PTPRQ: variants seen among roughly 807,000 people sequenced by gnomAD.
PTPRQ encodes phosphatidylinositol phosphatase PTPRQ.
A neutral mutation model predicts 246.0 loss-of-function variants in PTPRQ; 199 were observed. That is an observed-to-expected ratio of 0.81 (90% CI 0.72 to 0.91). The LOEUF (loss-of-function observed/expected upper bound fraction) is 0.91. Among genes scored for constraint, PTPRQ ranks in the 40% least tolerant of loss-of-function variants. The pLI is 0.00. For synonymous variants in PTPRQ, 869 were observed against 853.2 expected (o/e 1.02, Z -0.32); for missense variants, 2,624 against 2,528.4 (o/e 1.04, Z -0.81).
At position 80,542,253 on chromosome 12, in the gene PTPRQ, A is replaced by G. The variant is rs1896177957; in HGVS notation, c.3610A>G (p.Ile1204Val). 4 of 1,550,850 alleles carry G rather than the reference A, an allele frequency of 2.6e-6. No homozygotes were observed. The highest frequency in any genetic ancestry group is 1.7e-4 in the Middle Eastern group (1 of 5,986). ...NYSFITSDNY[I>V]ILEELSPFTL... ...TTCTTTCATTACTTCTGATAATTAC[A>G]TAATATTGGAAGAGCTTTCACCATT... The change falls in exon 22 of 45, where the codon ATA (isoleucine) becomes GTA (valine). Residue 1204 changes from isoleucine to valine, a missense_variant. Transcript: ENST00000644991.
intron 28 of PTPRQ, among the ~76,000 whole-genome samples, chr12:80,612,529 TA>T (rs945212553): frequency 3.7e-4 from 56 of 150,584 alleles, no homozygotes; most frequent in African/African-American, 1.3e-3. Flanking sequence ...ATGGCGATGA[TA>T]CCCAATGCTG....
chr12:80,605,237 T>C lies in PTPRQ; in HGVS notation c.4731+57T>C, dbSNP rs1165637719. Reference sequence around the variant, plus strand: ...GTATAAAATGGTTAATAATACAAGATTTGGAACCAGACTATTTGAATTTGA... The same window carrying C: ...GTATAAAATGGTTAATAATACAAGACTTGGAACCAGACTATTTGAATTTGA... On this transcript the variant is annotated intron_variant, in intron 27 of 44. Transcript: ENST00000644991. The C allele has an allele frequency of 1.1e-5, 16 of 1,514,396 alleles. No homozygotes were observed. In the African/African-American group the frequency reaches 2.3e-4, roughly 21 times the overall value. The allele number at this position is 1,514,396 out of a possible 1,614,324, so 93.8% of individuals were successfully genotyped here.
At chr12:80,672,200 T>G (rs989032504) in intron 42 of PTPRQ, among the ~76,000 whole-genome samples, 3 of 151,894 alleles carry the variant, frequency 2.0e-5, no homozygotes, top group Non-Finnish European at 4.4e-5. Flanking sequence ...TCCTCTGGAC[T>G]ATAAACTCTG....
At chr12:80,591,379 G>A (rs997890171) in intron 26 of PTPRQ, among the ~76,000 whole-genome samples, 8 of 151,942 alleles carry the variant, frequency 5.3e-5, no homozygotes, top group Non-Finnish European at 1.2e-4. Flanking sequence ...TCCTCCTGCC[G>A]TGGCCTCCCA....
intron 3 of PTPRQ, among the ~76,000 whole-genome samples, chr12:80,447,383 A>G (rs1892586143): frequency 6.6e-6 from 1 of 152,034 alleles, no homozygotes; most frequent in South Asian, 2.1e-4. Flanking sequence ...TTTGCTGTGC[A>G]GAAGCTTTTT....
At chr12:80,565,501 T>C (rs1428872676) in intron 25 of PTPRQ, among the ~76,000 whole-genome samples, 2 of 152,322 alleles carry the variant, frequency 1.3e-5, no homozygotes, top group South Asian at 2.1e-4. Flanking sequence ...CTATTTTTTT[T>C]CTTATTCTCT....
In PTPRQ at chr12:80,670,030, A is replaced by T. The variant is rs143202728; in HGVS notation, c.6454-314A>T. On this transcript the variant is annotated intron_variant, in intron 41 of 44. Transcript: ENST00000644991. The stretch of plus-strand genomic sequence containing the variant: ...TATGGAATAATTTGTGAATGTGTTC[A>T]TTTAAGTTTTGGGTCAAAAGTGTTT... 3.5e-4 allele frequency among the ~76,000 whole-genome samples: 54 copies of T among 152,198 alleles called. 1 individual carries two copies. The East Asian group carries it at 0.01, about 28-fold the overall frequency.
chr12:80,476,485 A>C (rs2120564071), intron 8 of PTPRQ, among the ~76,000 whole-genome samples: 1 of 152,280 alleles, frequency 6.6e-6, no homozygotes, highest in East Asian at 1.9e-4. Flanking sequence ...GATTGTCACA[A>C]TATCTAGGGA....
At chr12:80,463,188 G>C (rs1161663232) in intron 6 of PTPRQ, among the ~76,000 whole-genome samples, 1 of 152,218 alleles carries the variant, frequency 6.6e-6, no homozygotes, top group African/African-American at 2.4e-5. Flanking sequence ...TGATGGAGCT[G>C]AAAGCCAAGG....
At chr12:80,604,985 G>T in intron 26 of PTPRQ, 74 bp from the exon 27 acceptor site, 3 of 1,342,188 alleles carry the variant, frequency 2.2e-6, no homozygotes, top group Admixed American at 3.5e-5. Flanking sequence ...CATTTTTCAT[G>T]GTCTTTTCTA....
At chr12:80,534,835 T>G in intron 18 of PTPRQ, 57 bp from the exon 19 acceptor site, 1 of 1,502,740 alleles carries the variant, frequency 6.7e-7, no homozygotes, top group Non-Finnish European at 8.9e-7. Flanking sequence ...TTCAGGCCAT[T>G]TCAGACATTA....
chr12:80,674,786 G>A (rs563455502), intron 43 of PTPRQ, among the ~76,000 whole-genome samples: 2 of 152,232 alleles, frequency 1.3e-5, no homozygotes, highest in African/African-American at 2.4e-5. Flanking sequence ...TCTTTTGATA[G>A]TGGTTTTAAG....
At chr12:80,552,041 A>T (rs1325417911) in intron 25 of PTPRQ, among the ~76,000 whole-genome samples, 6 of 152,050 alleles carry the variant, frequency 3.9e-5, no homozygotes, top group Non-Finnish European at 8.8e-5. Flanking sequence ...GCATTTCTGG[A>T]CTTCATCCCA....
intron 38 of PTPRQ, 22 bp from the exon 39 acceptor site, chr12:80,657,963 G>T: frequency 1.5e-6 from 2 of 1,375,196 alleles, no homozygotes; most frequent in South Asian, 3.6e-5. Flanking sequence ...AATTAACATT[G>T]ATTCCTTATA....
At chr12:80,488,615 G>T (rs1484841223) in intron 9 of PTPRQ, among the ~76,000 whole-genome samples, 1 of 152,012 alleles carries the variant, frequency 6.6e-6, no homozygotes, top group African/African-American at 2.4e-5. Context: ...TGGGAAGTAA[G>T]AGGTAGGGAG....
chr12:80,524,836 C>A (rs745724741), intron 17 of PTPRQ, among the ~76,000 whole-genome samples: 5 of 152,270 alleles, frequency 3.3e-5, no homozygotes, highest in Non-Finnish European at 7.4e-5. Flanking sequence ...TAAGAATTCA[C>A]ACCCAGATCT....
intron 39 of PTPRQ, among the ~76,000 whole-genome samples, chr12:80,663,226 T>C (rs988536944): frequency 5.3e-5 from 8 of 151,898 alleles, no homozygotes; most frequent in Admixed American, 6.6e-5. Flanking sequence ...TGTAAATAAG[T>C]TGTAACAAGA....
At chr12:80,474,891 G>A (rs1028222718) in intron 8 of PTPRQ, among the ~76,000 whole-genome samples, 7 of 152,112 alleles carry the variant, frequency 4.6e-5, no homozygotes, top group African/African-American at 1.4e-4. Flanking sequence ...CAGTGAAGAC[G>A]TTTGTCCTCA....
At chr12:80,676,877 T>C (rs1901161781) in intron 43 of PTPRQ, among the ~76,000 whole-genome samples, 1 of 152,126 alleles carries the variant, frequency 6.6e-6, no homozygotes, top group African/African-American at 2.4e-5. Flanking sequence ...CCTTTAAATC[T>C]TACAATACAG....
Sources: gnomAD v4.1 joint callset for allele counts (sites outside exome capture counted in the v4.1 genomes callset) on GRCh38, gnomAD v4.1.1 for gene constraint, MANE v1.5 for transcripts, NCBI Gene and HGNC (gene_info 2026-07-23, HGNC 2026-07-21) for gene names.